The following FALEC variants were observed in gnomAD, a reference collection of about 807,000 sequenced individuals.
FALEC encodes the protein focally amplified lncRNA regulator of ECM1.
the FALEC span, among the ~76,000 whole-genome samples, chr1:150,532,568 A>T: frequency 6.6e-6 from 1 of 152,190 alleles, no homozygotes; most frequent in African/African-American, 2.4e-5. Context: ...AATGGGGGCC[A>T]GGGGTTGCCA....
At chr1:150,526,907 T>G in the FALEC span, among the ~76,000 whole-genome samples, 2 of 151,990 alleles carry the variant, frequency 1.3e-5, no homozygotes, top group South Asian at 4.1e-4. Context: ...GTGCTGAGAT[T>G]ACAGGTGTGA....
chr1:150,533,654 C>T, the FALEC span, among the ~76,000 whole-genome samples: 11 of 152,118 alleles, frequency 7.2e-5, no homozygotes, highest in South Asian at 1.2e-3. Context: ...CCAGGCTGGT[C>T]TCAAACTCCT....
At chr1:150,521,994 C>G (rs1397340812), downstream of FALEC, among the ~76,000 whole-genome samples, 17 of 152,166 alleles carry the variant, frequency 1.1e-4, no homozygotes, top group Admixed American at 1.0e-3. Context: ...CCCGTAATCC[C>G]AGCACTTTGG....
chr1:150,529,016 C>CAAAAAAAAA, the FALEC span, among the ~76,000 whole-genome samples: 69 of 59,268 alleles, frequency 1.2e-3, 4 homozygotes, highest in African/African-American at 3.7e-3. Flanking sequence ...AAATAAATAG[C>CAAAAAAAAA]AAAAAAAAAA....
At chr1:150,535,755 C>T in the FALEC span, among the ~76,000 whole-genome samples, 1 of 152,206 alleles carries the variant, frequency 6.6e-6, no homozygotes, top group Non-Finnish European at 1.5e-5. Flanking sequence ...CTGCCTGGAG[C>T]TGCTCGTAAA....
At chr1:150,522,968 TA>T (rs1670674025), downstream of FALEC, among the ~76,000 whole-genome samples, 39 of 47,604 alleles carry the variant, frequency 8.2e-4, 4 homozygotes, top group African/African-American at 3.1e-3. Context: ...TATATATATA[TA>T]TATATATATA....
intron 1 of FALEC, among the ~76,000 whole-genome samples, chr1:150,517,025 G>A (rs587751418): frequency 5.6e-4 from 85 of 152,236 alleles, no homozygotes; most frequent in African/African-American, 1.8e-3. Flanking sequence ...CTAGCCAGGC[G>A]CGGTGGCTCA....
At chr1:150,516,597 C>T (rs587701406) in intron 1 of FALEC, among the ~76,000 whole-genome samples, 4 of 152,298 alleles carry the variant, frequency 2.6e-5, no homozygotes, top group East Asian at 3.9e-4. Context: ...AAAAGGTGAA[C>T]GTGTTAACAT....
chr1:150,517,461 G>T (rs1300199503), intron 1 of FALEC, among the ~76,000 whole-genome samples: 1 of 152,156 alleles, frequency 6.6e-6, no homozygotes, highest in Non-Finnish European at 1.5e-5. Flanking sequence ...GAATGTTTGT[G>T]TACCCCCAAA....
chr1:150,524,242 T>C, the FALEC span, among the ~76,000 whole-genome samples: 1 of 152,172 alleles, frequency 6.6e-6, no homozygotes, highest in African/African-American at 2.4e-5. Context: ...CTTGAACTCA[T>C]GGCTTCAAGA....
chr1:150,517,539 G>A (rs1670585828), intron 1 of FALEC, among the ~76,000 whole-genome samples: 1 of 152,100 alleles, frequency 6.6e-6, no homozygotes, highest in African/African-American at 2.4e-5. Context: ...GAGGTAATTA[G>A]GTCATGAGGG....
chr1:150,522,888 CGT>C (rs1491495230), downstream of FALEC, among the ~76,000 whole-genome samples: 71 of 47,550 alleles, frequency 1.5e-3, 4 homozygotes, highest in African/African-American at 4.8e-3. Flanking sequence ...TATATATATA[CGT>C]ATATATATAT....
intron 1 of FALEC, chr1:150,516,068 A>AC (rs1288493994): frequency 6.7e-6 from 1 of 148,924 alleles, no homozygotes. Context: ...AGAAGGTGAA[A>AC]CCCCGTCTGT....
At chr1:150,522,887 ACG>A (rs1350410557), downstream of FALEC, among the ~76,000 whole-genome samples, 22 of 92,520 alleles carry the variant, frequency 2.4e-4, no homozygotes, top group African/African-American at 7.7e-4. Context: ...ATATATATAT[ACG>A]TATATATATA....
downstream of FALEC, among the ~76,000 whole-genome samples, chr1:150,522,996 T>TTTG (rs1670676638): frequency 1.1e-5 from 1 of 94,760 alleles, no homozygotes; most frequent in Non-Finnish European, 2.1e-5. Context: ...TTTTTTTTTT[T>TTTG]TTTTTGAGAC....
At chr1:150,519,441 G>A (rs1670611717), downstream of FALEC, among the ~76,000 whole-genome samples, 1 of 152,180 alleles carries the variant, frequency 6.6e-6, no homozygotes, top group African/African-American at 2.4e-5. Flanking sequence ...TAAAATAAAT[G>A]TAAGGGCGGT....
the FALEC span, among the ~76,000 whole-genome samples, chr1:150,530,745 C>T: frequency 6.6e-6 from 1 of 152,196 alleles, no homozygotes; most frequent in African/African-American, 2.4e-5. Flanking sequence ...CCGCAACACC[C>T]GCGCCCTTCC....
the FALEC span, among the ~76,000 whole-genome samples, chr1:150,533,347 G>A: frequency 6.6e-6 from 1 of 150,802 alleles, no homozygotes; most frequent in East Asian, 2.0e-4. Context: ...AGTAGGGCAA[G>A]ATGGGCCACA....
chr1:150,522,969 A>ATTTT (rs1560270834), downstream of FALEC, among the ~76,000 whole-genome samples: 6 of 32,722 alleles, frequency 1.8e-4, no homozygotes, highest in Admixed American at 3.1e-4. Flanking sequence ...ATATATATAT[A>ATTTT]TATATATATA....
Sources: allele counts gnomAD v4.1 joint callset (sites outside exome capture counted in the v4.1 genomes callset), GRCh38; gene constraint gnomAD v4.1.1; transcripts MANE v1.5; gene names NCBI Gene and HGNC (gene_info 2026-07-23, HGNC 2026-07-21).